Variants in DAB1 observed in about 807,000 individuals in gnomAD.
The protein encoded by DAB1 is DAB adaptor protein 1.
Under a neutral mutation model 64.6 loss-of-function variants are expected in DAB1, and 15 were observed. The observed-to-expected ratio is 0.23, with a 90% confidence interval of 0.16 to 0.36. The LOEUF is 0.36. DAB1 is among the 10% of genes least tolerant of loss of function. The pLI is 1.00. For synonymous variants in DAB1, 235 were observed against 251.9 expected, an observed-to-expected ratio of 0.93 and a Z score of 0.64; for missense variants, 596 against 706.7, an observed-to-expected ratio of 0.84 and a Z score of 1.78.
intron 3 of DAB1, among the ~76,000 whole-genome samples, chr1:58,353,600 T>C (rs965355568): frequency 2.0e-5 from 3 of 152,124 alleles, no homozygotes; most frequent in African/African-American, 7.2e-5. Flanking sequence ...TTGTAGAAAA[T>C]ACCACAAAAC....
chr1:57,779,199 T>A (rs994809153), intron 6 of DAB1, among the ~76,000 whole-genome samples: 5 of 152,052 alleles, frequency 3.3e-5, no homozygotes, highest in Admixed American at 2.6e-4. Context: ...GGGTTAACAG[T>A]TGAGCTAAGA....
At chr1:57,575,441 C>G (rs1645239018) in intron 7 of DAB1, among the ~76,000 whole-genome samples, 1 of 152,166 alleles carries the variant, frequency 6.6e-6, no homozygotes, top group African/African-American at 2.4e-5. Context: ...AAAACCAAGT[C>G]TCTGAGAGAA....
intron 4 of DAB1, among the ~76,000 whole-genome samples, chr1:57,072,624 T>C (rs369872286): frequency 1.2e-4 from 19 of 152,194 alleles, no homozygotes; most frequent in South Asian, 4.1e-4. Context: ...GAGAGAAACA[T>C]AGGATTGTTC....
At chr1:57,026,102 G>A in intron 9 of DAB1, 59 bp from the exon 10 acceptor site, 1 of 1,275,918 alleles carries the variant, frequency 7.8e-7, no homozygotes, top group South Asian at 1.3e-5. Flanking sequence ...GCTGGGCCCT[G>A]CTTTACACAC....
At chr1:57,760,712 T>C (rs532292602) in intron 6 of DAB1, among the ~76,000 whole-genome samples, 1 of 152,056 alleles carries the variant, frequency 6.6e-6, no homozygotes, top group East Asian at 1.9e-4. Flanking sequence ...GGGTCCAATA[T>C]TGAATTGTTT....
intron 1 of DAB1, chr1:57,860,949 G>A (rs552349757): frequency 2.5e-4 from 38 of 152,368 alleles, no homozygotes; most frequent in African/African-American, 9.1e-4. Flanking sequence ...GCTGACCTCG[G>A]GCATGGCAGC....
rs983040413 is a variant in DAB1 at position 58,282,053 on chromosome 1, A to G, written n.309+61299T>C. On this transcript the variant is annotated intron_variant and non_coding_transcript_variant, in intron 4 of 20. Coordinates refer to the DAB1 transcript ENST00000485760. ...CTCTTACTCTCTGCTACAGCTATAC[A>G]GAGACTTAATTCCTCCTAATGTCCC... Among the ~76,000 whole-genome samples, 5 of 152,134 alleles carry G rather than the reference A, an allele frequency of 3.3e-5. No individual in the cohort carries two copies. In the East Asian group the frequency reaches 5.8e-4, roughly 18 times the overall value.
intron 6 of DAB1, among the ~76,000 whole-genome samples, chr1:57,718,232 A>G (rs1336219185): frequency 6.6e-6 from 1 of 152,192 alleles, no homozygotes; most frequent in African/African-American, 2.4e-5. Flanking sequence ...ATCCTTACAC[A>G]ATGTATACCT....
chr1:58,408,760 G>A (rs1452403754), intron 3 of DAB1, among the ~76,000 whole-genome samples: 6 of 152,230 alleles, frequency 3.9e-5, no homozygotes, highest in Non-Finnish European at 8.8e-5. Context: ...TGTTCTTGTT[G>A]ACATTACAAA....
intron 7 of DAB1, among the ~76,000 whole-genome samples, chr1:57,514,303 A>G (rs150914893): frequency 6.6e-6 from 1 of 152,310 alleles, no homozygotes; most frequent in East Asian, 1.9e-4. Flanking sequence ...ATTCCCACCA[A>G]CAGTATACAA....
intron 7 of DAB1, among the ~76,000 whole-genome samples, chr1:57,453,890 CA>C (rs1686485413): frequency 6.6e-6 from 1 of 152,076 alleles, no homozygotes; most frequent in African/African-American, 2.4e-5. Context: ...AGAAGAAAGA[CA>C]AAATCCTACT....
intron 5 of DAB1, among the ~76,000 whole-genome samples, chr1:58,042,727 A>C (rs1647155731): frequency 6.6e-6 from 1 of 152,226 alleles, no homozygotes; most frequent in Non-Finnish European, 1.5e-5. Flanking sequence ...GTACTTCAAC[A>C]CATCTGAAAC....
intron 14 of DAB1, among the ~76,000 whole-genome samples, chr1:57,006,907 G>T (rs1646090732): frequency 6.6e-6 from 1 of 152,160 alleles, no homozygotes; most frequent in Non-Finnish European, 1.5e-5. Flanking sequence ...CATATGAAAG[G>T]ATGTATGCTT....
intron 2 of DAB1, among the ~76,000 whole-genome samples, chr1:57,234,905 A>T (rs1355161458): frequency 2.0e-5 from 3 of 152,208 alleles, no homozygotes; most frequent in Non-Finnish European, 4.4e-5. Context: ...TCAAACCAGC[A>T]ACAGCACATT....
chr1:58,257,363 T>C (rs758906995), intron 4 of DAB1, among the ~76,000 whole-genome samples: 2 of 152,230 alleles, frequency 1.3e-5, no homozygotes, highest in South Asian at 2.1e-4. Flanking sequence ...GATGAAGACA[T>C]GAGGTTGGCC....
At chr1:57,111,354 A>G (rs1350645883) in intron 4 of DAB1, among the ~76,000 whole-genome samples, 3 of 152,130 alleles carry the variant, frequency 2.0e-5, no homozygotes, top group African/African-American at 7.2e-5. Flanking sequence ...TCTATGTACT[A>G]CTGTTCAGAC....
At chr1:58,267,997 G>C (rs1039422989) in intron 4 of DAB1, among the ~76,000 whole-genome samples, 1 of 152,140 alleles carries the variant, frequency 6.6e-6, no homozygotes, top group Non-Finnish European at 1.5e-5. Context: ...TTCTGAGCCA[G>C]GCAGGGACTC....
At chr1:58,104,759 A>C (rs1008273495) in intron 5 of DAB1, among the ~76,000 whole-genome samples, 2 of 152,226 alleles carry the variant, frequency 1.3e-5, no homozygotes, top group Non-Finnish European at 2.9e-5. Context: ...TTAAATGAAA[A>C]ATTAATAGGG....
chr1:57,268,265 A>C (rs1670736234), intron 2 of DAB1, among the ~76,000 whole-genome samples: 1 of 152,230 alleles, frequency 6.6e-6, no homozygotes, highest in African/African-American at 2.4e-5. Flanking sequence ...GAAGAGAAAG[A>C]AATAGCGACA....
Sources: gnomAD v4.1 joint callset for allele counts (sites outside exome capture counted in the v4.1 genomes callset) on GRCh38, gnomAD v4.1.1 for gene constraint, MANE v1.5 for transcripts, NCBI Gene and HGNC (gene_info 2026-07-23, HGNC 2026-07-21) for gene names.